CNDP1: variants seen among roughly 807,000 people sequenced by gnomAD.
The protein encoded by CNDP1 is beta-Ala-His dipeptidase.
In CNDP1, 44 loss-of-function variants were observed where a neutral mutation model predicts 58.1. That is an observed-to-expected ratio of 0.76 (90% confidence interval 0.60 to 0.97). The LOEUF (loss-of-function observed/expected upper bound fraction) is 0.97, where lower values mean the gene tolerates loss of function less well. Ranked by LOEUF, CNDP1 falls within the 50% of genes least tolerant of loss-of-function variation. CNDP1 has a pLI of 0.00. For synonymous variants in CNDP1, 254 were observed against 252.6 expected, an observed-to-expected ratio of 1.01 and a Z score of -0.05; for missense variants, 616 against 655.1, an observed-to-expected ratio of 0.94 and a Z score of 0.65.
chr18:74,583,490 C>T, intron 10 of CNDP1, 71 bp from the exon 11 acceptor site: 1 of 1,295,440 alleles, frequency 7.7e-7, no homozygotes, highest in Non-Finnish European at 1.1e-6. Context: ...AAAGGAGGCA[C>T]TGACCTTGAG....
intron 1 of CNDP1, among the ~76,000 whole-genome samples, chr18:74,547,188 T>C (rs1334053622): frequency 1.3e-5 from 2 of 152,256 alleles, no homozygotes; most frequent in African/African-American, 4.8e-5. Context: ...GCTAGGCTAA[T>C]AAAACATTCT....
rs189975362 is a variant in CNDP1 at position 74,556,529 on chromosome 18, G to A, written c.153+63G>A. On this transcript the variant is annotated intron_variant, in intron 2 of 11. Transcript: ENST00000358821. ...TTGGATTATATCCTTTGGTATTTGGGTGAGACAATTATTTGCTTGGAGATG... is the reference window on the plus strand; with the variant it reads ...TTGGATTATATCCTTTGGTATTTGGATGAGACAATTATTTGCTTGGAGATG... 5.2e-5 allele frequency: 82 copies of A among 1,591,790 alleles called. No homozygotes were observed. In the African/African-American group the frequency reaches 9.8e-4, roughly 19 times the overall value.
chr18:74,571,103 G>T (rs913315239), intron 6 of CNDP1, 83 bp from the exon 7 acceptor site: 1 of 875,918 alleles, frequency 1.1e-6, no homozygotes, highest in Non-Finnish European at 1.9e-6. Flanking sequence ...GACACACGCA[G>T]ATATGTATTT....
intron 9 of CNDP1, 91 bp from the exon 10 acceptor site, chr18:74,580,039 G>A: frequency 8.9e-7 from 1 of 1,128,884 alleles, no homozygotes; most frequent in Non-Finnish European, 1.3e-6. Flanking sequence ...TATATTAACT[G>A]TACTAATCAG....
chr18:74,534,600 A>T lies in CNDP1; in HGVS notation c.-68A>T. ...TTAATGTCACCCTCTTGGGGCTTTCATGGGACTCCCTCTGCCACATTTTTT... is the reference window on the plus strand; with the variant it reads ...TTAATGTCACCCTCTTGGGGCTTTCTTGGGACTCCCTCTGCCACATTTTTT... On this transcript the variant is annotated 5_prime_UTR_variant, in exon 1 of 12. An upstream start codon of the reference 5' UTR is lost. Transcript: ENST00000358821. 1 of 1,557,204 alleles carries T rather than the reference A, an allele frequency of 6.4e-7. No individual in the cohort carries two copies. The highest frequency in any genetic ancestry group is 8.9e-7 in the Non-Finnish European group (1 of 1,128,818).
chr18:74,567,177 C>T, intron 5 of CNDP1, 56 bp from the exon 6 acceptor site: 1 of 1,399,980 alleles, frequency 7.1e-7, no homozygotes, highest in Non-Finnish European at 1.0e-6. Flanking sequence ...TTGGTGGGGA[C>T]ACAGCCAAAC....
At chr18:74,563,199 T>G (rs183333037) in intron 5 of CNDP1, among the ~76,000 whole-genome samples, 1 of 152,138 alleles carries the variant, frequency 6.6e-6, no homozygotes, top group African/African-American at 2.4e-5. Context: ...CTGACTTCAC[T>G]CCTGAGTCTC....
At chr18:74,566,806 TG>T (rs1427424058) in intron 5 of CNDP1, among the ~76,000 whole-genome samples, 1 of 152,226 alleles carries the variant, frequency 6.6e-6, no homozygotes, top group African/African-American at 2.4e-5. Flanking sequence ...TCCAAATTTT[TG>T]GGTATCTTTT....
At chr18:74,548,310 T>C (rs1171977376) in intron 1 of CNDP1, among the ~76,000 whole-genome samples, 57 of 152,042 alleles carry the variant, frequency 3.7e-4, no homozygotes, top group Admixed American at 3.7e-3. Flanking sequence ...GTCCTCACAA[T>C]AGTGAGTGAA....
At chr18:74,538,254 T>C (rs541783592) in intron 1 of CNDP1, among the ~76,000 whole-genome samples, 1 of 152,364 alleles carries the variant, frequency 6.6e-6, no homozygotes, top group South Asian at 2.1e-4. Flanking sequence ...TAGATTTCCC[T>C]ATTCTGGACT....
intron 7 of CNDP1, among the ~76,000 whole-genome samples, chr18:74,572,306 A>C (rs762181996): frequency 6.6e-6 from 1 of 152,090 alleles, no homozygotes; most frequent in Non-Finnish European, 1.5e-5. Context: ...TTCCCTGGGA[A>C]GCTAAGGAAG....
intron 11 of CNDP1, 159 bp downstream of exon 11, chr18:74,583,867 C>G: frequency 2.8e-6 from 2 of 723,916 alleles, no homozygotes; most frequent in South Asian, 1.8e-5. Context: ...GTTCTGGAGC[C>G]TGGATGCCCT....
Position 74,564,622 on chromosome 18 carries a change from C to T in CNDP1, c.555+2487C>T, listed in dbSNP as rs1023431583. ...TTGCCTAACCTTTCTTGAAAAATTC[C>T]TTTTGGGGAGAAGGAGAAAAATGCC... On this transcript the variant is annotated intron_variant, in intron 5 of 11. Coordinates refer to ENST00000358821, the MANE Select transcript of CNDP1 (RefSeq NM_032649.6). Among the ~76,000 whole-genome samples the T allele has an allele frequency of 2.6e-5, 4 of 152,130 alleles. No homozygotes were observed. In the East Asian group the frequency reaches 7.7e-4, roughly 29 times the overall value.
At position 74,567,266 on chromosome 18, in the gene CNDP1, G is replaced by T; in HGVS notation, c.589G>T (p.Gly197Trp). ...LPVNIKFIIE[G>W]MEEAGSVALE... Reference sequence around the variant, plus strand: ...TGTGAATATCAAATTCATCATTGAGGGGATGGAAGAGGCTGGCTCTGTTGC... The same window carrying T: ...TGTGAATATCAAATTCATCATTGAGTGGATGGAAGAGGCTGGCTCTGTTGC... Residue 197 changes from glycine (G) to tryptophan (W), a missense_variant, in exon 6 of 12, where the codon GGG (glycine) becomes TGG (tryptophan). Physicochemically the swap from Gly to Trp is radical, Grantham distance 184. Coordinates refer to ENST00000358821, the MANE Select transcript of CNDP1 (RefSeq NM_032649.6). 6.2e-7 allele frequency: 1 copy of T among 1,614,168 alleles called. No individual in the cohort carries two copies. Among genetic ancestry groups the T allele is most frequent in the African/African-American group, 1.3e-5 (1 of 75,040 alleles).
chr18:74,549,178 G>A (rs1252974256), intron 1 of CNDP1, among the ~76,000 whole-genome samples: 1 of 152,174 alleles, frequency 6.6e-6, no homozygotes, highest in Non-Finnish European at 1.5e-5. Context: ...GGAAACAACA[G>A]ACATCATTCT....
intron 11 of CNDP1, chr18:74,584,295 T>G: frequency 1.8e-6 from 1 of 561,126 alleles, no homozygotes. Context: ...CTAGGACTGA[T>G]TCTCATCTTC....
chr18:74,558,828 G>A (rs1167424050), intron 2 of CNDP1, among the ~76,000 whole-genome samples: 1 of 152,182 alleles, frequency 6.6e-6, no homozygotes, highest in Non-Finnish European at 1.5e-5. Flanking sequence ...AGAGGCACAG[G>A]GAGGGGCAGG....
At chr18:74,582,853 G>A (rs563732671) in intron 10 of CNDP1, among the ~76,000 whole-genome samples, 1 of 152,296 alleles carries the variant, frequency 6.6e-6, no homozygotes, top group Admixed American at 6.5e-5. Flanking sequence ...CAGTTTCCTT[G>A]TTTTGATCAT....
At position 74,555,095 on chromosome 18, in the gene CNDP1, A is replaced by T. The variant is rs539565500; in HGVS notation, c.25-1243A>T. On this transcript the variant is annotated intron_variant, in intron 1 of 11. Transcript: ENST00000358821. ...AACCCCTGCTCACCTCCACCTACGGAAAGGTGGGCATTTGAAGAATCATAG... is the reference window on the plus strand; with the variant it reads ...AACCCCTGCTCACCTCCACCTACGGTAAGGTGGGCATTTGAAGAATCATAG... Among the ~76,000 whole-genome samples the T allele has an allele frequency of 7.9e-5, 12 of 152,268 alleles. No individual in the cohort carries two copies. In the East Asian group the frequency reaches 1.9e-3, roughly 25 times the overall value.
Sources: gnomAD v4.1 joint callset for allele counts (sites outside exome capture counted in the v4.1 genomes callset) on GRCh38, gnomAD v4.1.1 for gene constraint, MANE v1.5 for transcripts, NCBI Gene and HGNC (gene_info 2026-07-23, HGNC 2026-07-21) for gene names.